PDE4D: variants seen among roughly 807,000 people sequenced by gnomAD.
The protein encoded by PDE4D is 3',5'-cyclic-AMP phosphodiesterase 4D.
In PDE4D, 24 loss-of-function variants were observed where a neutral mutation model predicts 87.4. That is an observed-to-expected ratio of 0.27 (90% confidence interval 0.20 to 0.39). PDE4D has a LOEUF of 0.39. Among genes scored for constraint, PDE4D ranks in the 10% least tolerant of loss-of-function variants. The pLI is 1.00. For missense variants in PDE4D, 714 were observed against 1,041.0 expected (o/e 0.69, Z 4.32); for synonymous variants, 384 against 383.2 (o/e 1.00, Z -0.02).
At chr5:60,181,404 C>A (rs1221499857) in intron 2 of PDE4D, among the ~76,000 whole-genome samples, 1 of 140,896 alleles carries the variant, frequency 7.1e-6, no homozygotes, top group Non-Finnish European at 1.5e-5. Flanking sequence ...AAACTGACAG[C>A]CTATTTAGGT....
intron 11 of PDE4D, among the ~76,000 whole-genome samples, chr5:58,986,878 T>C (rs1173008859): frequency 6.6e-6 from 1 of 152,126 alleles, no homozygotes; most frequent in Non-Finnish European, 1.5e-5. Context: ...CTAAATCTAC[T>C]CTTAATTCTA....
chr5:60,117,425 T>C (rs1778266051), intron 2 of PDE4D, among the ~76,000 whole-genome samples: 2 of 152,130 alleles, frequency 1.3e-5, no homozygotes, highest in African/African-American at 4.8e-5. Flanking sequence ...TCACTTTCTT[T>C]TCTTTATCCT....
intron 5 of PDE4D, among the ~76,000 whole-genome samples, chr5:59,173,186 G>A (rs1783288538): frequency 6.6e-6 from 1 of 152,116 alleles, no homozygotes; most frequent in Admixed American, 6.6e-5. Flanking sequence ...ATTCAGACAA[G>A]AGAGACACAA....
At chr5:59,248,180 C>A (rs546579370) in intron 1 of PDE4D, among the ~76,000 whole-genome samples, 1 of 144,568 alleles carries the variant, frequency 6.9e-6, no homozygotes, top group Admixed American at 7.3e-5. Context: ...AATTTGTGAG[C>A]GGATAAGAAA....
chr5:60,344,348 G>A (rs975818815), intron 1 of PDE4D, among the ~76,000 whole-genome samples: 7 of 151,788 alleles, frequency 4.6e-5, no homozygotes, highest in African/African-American at 9.7e-5. Flanking sequence ...CTCTCTATTC[G>A]TTAGTTTTGG....
chr5:59,897,936 T>C (rs556681638), upstream of PDE4D, among the ~76,000 whole-genome samples: 4 of 152,344 alleles, frequency 2.6e-5, no homozygotes, highest in East Asian at 1.9e-4. Flanking sequence ...CCTTGAGATA[T>C]ATGAAAGGCT....
chr5:59,939,765 T>C (rs1408812420), intron 3 of PDE4D, among the ~76,000 whole-genome samples: 2 of 152,134 alleles, frequency 1.3e-5, no homozygotes, highest in East Asian at 1.9e-4. Flanking sequence ...GGTACCTAAC[T>C]GTAGAGGACC....
intron 5 of PDE4D, among the ~76,000 whole-genome samples, chr5:59,053,439 T>C (rs1761846058): frequency 6.6e-6 from 1 of 151,648 alleles, no homozygotes; most frequent in African/African-American, 2.4e-5. Context: ...GATAGTATTA[T>C]GTAATGTGTA....
intron 1 of PDE4D, among the ~76,000 whole-genome samples, chr5:60,486,324 C>G (rs980493030): frequency 6.6e-6 from 1 of 152,174 alleles, no homozygotes; most frequent in African/African-American, 2.4e-5. Context: ...CTCAATAAAT[C>G]AACTCACTAT....
At chr5:60,072,396 C>T (rs1772823173) in intron 2 of PDE4D, among the ~76,000 whole-genome samples, 1 of 152,170 alleles carries the variant, frequency 6.6e-6, no homozygotes, top group South Asian at 2.1e-4. Flanking sequence ...CTTATAGATG[C>T]TGGATATAAG....
At chr5:59,060,879 C>T (rs1481365027) in intron 5 of PDE4D, among the ~76,000 whole-genome samples, 2 of 152,086 alleles carry the variant, frequency 1.3e-5, no homozygotes, top group African/African-American at 4.8e-5. Flanking sequence ...CTTCCCTGCC[C>T]TACTTGGAAA....
At chr5:59,703,755 CTCTG>C (rs1300149882) in intron 1 of PDE4D, 3 of 385,982 alleles carry the variant, frequency 7.8e-6, no homozygotes, top group Non-Finnish European at 1.6e-5. Context: ...TTCAGCAGGG[CTCTG>C]TCTGTCCTCT....
chr5:59,649,693 T>A (rs72751205), intron 1 of PDE4D, among the ~76,000 whole-genome samples: 14,344 of 149,996 alleles, frequency 0.096, 807 homozygotes, highest in Admixed American at 0.15. Flanking sequence ...ATAACAAAAA[T>A]GAGGCCTTCA....
intron 1 of PDE4D, among the ~76,000 whole-genome samples, chr5:59,739,116 T>C (rs560839914): frequency 3.4e-4 from 52 of 152,166 alleles, no homozygotes; most frequent in African/African-American, 1.1e-3. Flanking sequence ...AAATATTTTT[T>C]CCAAAAGTGT....
rs140224182 is a variant in PDE4D at position 60,397,315 on chromosome 5, T to C, written c.-90+90627A>G. Among the ~76,000 whole-genome samples the C allele has an allele frequency of 3.3e-4, 50 of 152,282 alleles. No homozygotes were observed. The East Asian group carries it at 8.3e-3, about 25-fold the overall frequency. ...AGGTAGATTTCTAAAGGAAATGAAA[T>C]CATTTTGAAGAGATAGCTACACTCC... On this transcript the variant is annotated intron_variant, in intron 1 of 16. Coordinates refer to the PDE4D transcript ENST00000502484.
intron 3 of PDE4D, among the ~76,000 whole-genome samples, chr5:59,946,904 C>T (rs1409870257): frequency 6.6e-6 from 1 of 152,198 alleles, no homozygotes; most frequent in Non-Finnish European, 1.5e-5. Context: ...ATCGAGAAGT[C>T]TCCCTCTTCA....
chr5:60,375,013 G>A (rs962108038), intron 1 of PDE4D, among the ~76,000 whole-genome samples: 1 of 152,128 alleles, frequency 6.6e-6, no homozygotes, highest in African/African-American at 2.4e-5. Context: ...AAGTTAGCTA[G>A]GTAATCTGGT....
chr5:59,945,686 A>G (rs1757660873), intron 3 of PDE4D, among the ~76,000 whole-genome samples: 1 of 152,242 alleles, frequency 6.6e-6, no homozygotes, highest in Non-Finnish European at 1.5e-5. Context: ...TTGATAAGAC[A>G]TAAAAATAAC....
At chr5:60,009,949 G>A (rs1365433933) in intron 2 of PDE4D, among the ~76,000 whole-genome samples, 1 of 152,014 alleles carries the variant, frequency 6.6e-6, no homozygotes, top group Non-Finnish European at 1.5e-5. Context: ...TGTGGCTAAT[G>A]GCAGTTGGTC....
Sources: allele counts gnomAD v4.1 joint callset (sites outside exome capture counted in the v4.1 genomes callset), GRCh38; gene constraint gnomAD v4.1.1; transcripts MANE v1.5; gene names NCBI Gene and HGNC (gene_info 2026-07-23, HGNC 2026-07-21).